The following CEP97 variants were observed in gnomAD, a reference collection of about 807,000 sequenced individuals.
CEP97 encodes centrosomal protein of 97 kDa.
A neutral mutation model predicts 73.1 loss-of-function variants in CEP97; 43 were observed. The observed-to-expected ratio is 0.59, with a 90% CI of 0.46 to 0.76. CEP97 has a LOEUF of 0.76. CEP97 is among the 30% of genes least tolerant of loss of function. CEP97 has a pLI of 0.00. For missense variants in CEP97, 939 were observed against 1,014.0 expected, an observed-to-expected ratio of 0.93 and a Z score of 1.00; for synonymous variants, 337 against 370.0, an observed-to-expected ratio of 0.91 and a Z score of 1.02.
intron 6 of CEP97, among the ~76,000 whole-genome samples, chr3:101,748,129 CAAA>C (rs71625598): frequency 3.7e-5 from 2 of 53,916 alleles, no homozygotes; most frequent in Admixed American, 2.7e-4. Context: ...GACCTTGTCT[CAAA>C]AAAAAAAAAA....
intron 1 of CEP97, among the ~76,000 whole-genome samples, chr3:101,725,122 C>G (rs138641130): frequency 6.6e-6 from 1 of 152,314 alleles, no homozygotes; most frequent in African/African-American, 2.4e-5. Context: ...TTCCTGGAAC[C>G]ATCAGGAAAA....
chr3:101,762,161 C>T (rs956849327), intron 9 of CEP97, among the ~76,000 whole-genome samples: 2 of 152,068 alleles, frequency 1.3e-5, no homozygotes, highest in Non-Finnish European at 2.9e-5. Flanking sequence ...GACAAAGAGC[C>T]ATTTAACATT....
chr3:101,749,507 C>T (rs1454916590), intron 6 of CEP97, among the ~76,000 whole-genome samples: 1 of 130,800 alleles, frequency 7.6e-6, no homozygotes, highest in Admixed American at 7.7e-5. Context: ...TGGGTATATA[C>T]CCAGTAATGG....
intron 6 of CEP97, among the ~76,000 whole-genome samples, chr3:101,733,508 C>T (rs1285646561): frequency 6.6e-6 from 1 of 151,850 alleles, no homozygotes; most frequent in South Asian, 2.1e-4. Flanking sequence ...ATTGGTCCTC[C>T]TCTTCTTTTT....
chr3:101,748,323 A>G (rs970040872), intron 6 of CEP97, among the ~76,000 whole-genome samples: 4 of 151,844 alleles, frequency 2.6e-5, no homozygotes, highest in Non-Finnish European at 5.9e-5. Context: ...GGAAAATCAG[A>G]TCTTATAGCA....
Position 101,756,109 on chromosome 3 carries a change from G to A in CEP97, c.893+515G>A, listed in dbSNP as rs148016291. ...ATAATATCACTCTGTTGCCCAGGCTGGAGTGCTGTGGTGTGATCTCAGCTC... is the reference window on the plus strand; with the variant it reads ...ATAATATCACTCTGTTGCCCAGGCTAGAGTGCTGTGGTGTGATCTCAGCTC... On this transcript the variant is annotated intron_variant, in intron 7 of 10. Coordinates refer to ENST00000341893, the MANE Select transcript of CEP97 (RefSeq NM_024548.4). 7.6e-4 allele frequency among the ~76,000 whole-genome samples: 116 copies of A among 151,884 alleles called. 2 individuals are homozygous for A. The East Asian group carries it at 0.02, about 27-fold the overall frequency.
chr3:101,731,797 T>A (rs780127687), intron 4 of CEP97, 43 bp from the exon 5 acceptor site: 1 of 1,138,472 alleles, frequency 8.8e-7, no homozygotes. Flanking sequence ...CCAATTTATT[T>A]GTAATCTTTT....
chr3:101,734,734 A>G (rs1402380290), intron 6 of CEP97, among the ~76,000 whole-genome samples: 1 of 152,116 alleles, frequency 6.6e-6, no homozygotes, highest in Admixed American at 6.5e-5. Flanking sequence ...CTAGTTCTAG[A>G]TTTGGAATAT....
Position 101,758,236 on chromosome 3 carries a change from A to G in CEP97, c.1630A>G (p.Arg544Gly). The G allele has an allele frequency of 6.2e-7, 1 of 1,614,266 alleles. No individual in the cohort carries two copies. Among genetic ancestry groups the G allele is most frequent in the Non-Finnish European group, 8.5e-7 (1 of 1,180,046 alleles). The change falls in exon 9 of 11, where the codon AGA becomes GGA. Residue 544 changes from arginine (R) to glycine (G), a missense_variant. Transcript: ENST00000341893. Reference sequence around the variant, plus strand: ...GAAACTTCCCATGATTTTAACCCAGAGATCTGTTGCTTTGGGACAAGACAA... The same window carrying G: ...GAAACTTCCCATGATTTTAACCCAGGGATCTGTTGCTTTGGGACAAGACAA... Reference protein sequence around the residue: ...SEKLPMILTQRSVALGQDKVA... With the variant: ...SEKLPMILTQGSVALGQDKVA...
At chr3:101,762,318 TA>T (rs552135019) in intron 9 of CEP97, among the ~76,000 whole-genome samples, 166 bp from the exon 10 acceptor site, 291 of 152,198 alleles carry the variant, frequency 1.9e-3, no homozygotes, top group Non-Finnish European at 2.8e-3. Flanking sequence ...ATTCTGAGGT[TA>T]AAAAAATAAA....
At chr3:101,756,227 T>C (rs971682842) in intron 7 of CEP97, among the ~76,000 whole-genome samples, 5 of 151,644 alleles carry the variant, frequency 3.3e-5, no homozygotes, top group African/African-American at 1.2e-4. Flanking sequence ...ACCTAGCTAA[T>C]ATTTTATTTT....
chr3:101,726,667 C>A lies in CEP97; in HGVS notation c.117C>A (p.His39Gln). The change falls in exon 2 of 11, where the codon CAC (histidine) becomes CAA (glutamine). Residue 39 changes from histidine (H) to glutamine (Q), a missense_variant. Transcript: ENST00000341893. ...ATTTACCCTGTGAAGCTGATATTCACACTTTGATTCTGGATAAAAATCAGA... is the reference window on the plus strand; with the variant it reads ...ATTTACCCTGTGAAGCTGATATTCAAACTTTGATTCTGGATAAAAATCAGA... ...GPNLPCEADI[H>Q]TLILDKNQII... 1 of 1,607,230 alleles carries A rather than the reference C, an allele frequency of 6.2e-7. No homozygotes were observed. The highest frequency in any genetic ancestry group is 8.5e-7 in the Non-Finnish European group (1 of 1,174,426).
intron 6 of CEP97, among the ~76,000 whole-genome samples, chr3:101,749,507 C>A (rs1454916590): frequency 7.6e-6 from 1 of 130,798 alleles, no homozygotes; most frequent in Admixed American, 7.7e-5. Flanking sequence ...TGGGTATATA[C>A]CCAGTAATGG....
intron 5 of CEP97, among the ~76,000 whole-genome samples, chr3:101,732,285 C>T (rs931515834): frequency 6.6e-6 from 1 of 152,176 alleles, no homozygotes; most frequent in Non-Finnish European, 1.5e-5. Flanking sequence ...GGAAACAGTG[C>T]TGATATTTGC....
rs1259288994 is a variant in CEP97 at position 101,767,152 on chromosome 3, T to C, written c.*1601T>C. On this transcript the variant is annotated 3_prime_UTR_variant, in exon 11 of 11. Coordinates refer to ENST00000341893, the MANE Select transcript of CEP97 (RefSeq NM_024548.4). ...ATGGTAAGACGTATTTTTCTCAGTT[T>C]ATAAATACGTAGCACTCAGGTTGAG... 1 of 152,238 alleles carries C rather than the reference T, an allele frequency of 6.6e-6. No individual in the cohort carries two copies. The highest frequency in any genetic ancestry group is 1.5e-5 in the Non-Finnish European group (1 of 68,046). The allele number at this position is 152,238 out of a possible 1,614,324, so 9.4% of individuals were successfully genotyped here.
In CEP97 at chr3:101,746,166, T is replaced by A. The variant is rs569462266; in HGVS notation, c.729-9264T>A. Among the ~76,000 whole-genome samples, 10 of 152,352 alleles carry A rather than the reference T, an allele frequency of 6.6e-5. No homozygotes were observed. The South Asian group carries it at 1.2e-3, about 19-fold the overall frequency. On this transcript the variant is annotated intron_variant, in intron 6 of 10. Transcript: ENST00000341893. ...AATCCAGTCTATCATTGTTGGACAT[T>A]TGGGTTGGTTCCAAGTCTTTGCTAT...
Position 101,726,747 on chromosome 3 carries a change from C to T in CEP97, c.186+11C>T. ...AAACGATTAATACAGGTAGGTATTG[C>T]AATCTGGGAAATGGTTACATAGGAT... On this transcript the variant is annotated intron_variant, in intron 2 of 10. Transcript: ENST00000341893. The T allele has an allele frequency of 6.4e-7, 1 of 1,569,632 alleles. No homozygotes were observed. The highest frequency in any genetic ancestry group is 8.7e-7 in the Non-Finnish European group (1 of 1,154,200).
chr3:101,737,944 C>T (rs1278750565), intron 6 of CEP97, among the ~76,000 whole-genome samples: 2 of 135,388 alleles, frequency 1.5e-5, no homozygotes, highest in African/African-American at 5.5e-5. Context: ...TCAGGAGATG[C>T]ATCTCACATG....
intron 2 of CEP97, among the ~76,000 whole-genome samples, 180 bp downstream of exon 2, chr3:101,726,916 GA>G (rs948356972): frequency 6.6e-6 from 1 of 150,444 alleles, no homozygotes; most frequent in East Asian, 1.9e-4. Context: ...GAGTAGATTA[GA>G]AAAAAAAAGC....
Sources: gnomAD v4.1 joint callset for allele counts (sites outside exome capture counted in the v4.1 genomes callset) on GRCh38, gnomAD v4.1.1 for gene constraint, MANE v1.5 for transcripts, NCBI Gene and HGNC (gene_info 2026-07-23, HGNC 2026-07-21) for gene names.